MIA2: variants seen among roughly 807,000 people sequenced by gnomAD.
MIA2 encodes the protein MIA SH3 domain ER export factor 2, also known as melanoma inhibitory activity protein 2.
MIA2 carries 127 observed loss-of-function variants against 167.8 expected under a neutral mutation model. The observed-to-expected ratio is 0.76, with a 90% CI of 0.66 to 0.88. MIA2 has a LOEUF of 0.88. Among genes scored for constraint, MIA2 ranks in the 40% least tolerant of loss-of-function variants. The probability of loss-of-function intolerance (pLI) is 0.00; values close to 1 mark genes in which losing one functional copy is unlikely to be tolerated. For synonymous variants in MIA2, 552 were observed against 541.9 expected (o/e 1.02, Z -0.26); for missense variants, 1,690 against 1,624.7 (o/e 1.04, Z -0.69).
chr14:39,320,862 G>A (rs1453428127), intron 23 of MIA2, 66 bp from the exon 24 acceptor site: 1 of 1,540,226 alleles, frequency 6.5e-7, no homozygotes, highest in East Asian at 2.3e-5. Context: ...GTCGAAATGG[G>A]ATTCTAACTC....
chr14:39,308,024 A>G (rs541282869), intron 17 of MIA2, among the ~76,000 whole-genome samples: 3 of 152,234 alleles, frequency 2.0e-5, no homozygotes, highest in Non-Finnish European at 4.4e-5. Context: ...CTAATGTTCT[A>G]TAGCACTGTA....
intron 6 of MIA2, among the ~76,000 whole-genome samples, chr14:39,254,436 A>G (rs1413786497): frequency 1.3e-5 from 2 of 152,210 alleles, no homozygotes; most frequent in African/African-American, 4.8e-5. Flanking sequence ...AAGTCTATCA[A>G]TGCTGTCAAA....
intron 25 of MIA2, among the ~76,000 whole-genome samples, chr14:39,332,923 T>C (rs1360764499): frequency 1.3e-5 from 2 of 152,188 alleles, no homozygotes; most frequent in African/African-American, 4.8e-5. Context: ...TTACTGACTC[T>C]TTCCTTGTCA....
chr14:39,335,738 T>A (rs1476354711), intron 25 of MIA2, among the ~76,000 whole-genome samples: 2 of 152,204 alleles, frequency 1.3e-5, no homozygotes, highest in Non-Finnish European at 2.9e-5. Context: ...CCACAGTTTT[T>A]CAGCCCTTGC....
chr14:39,245,877 T>G (rs2054279262), intron 3 of MIA2, among the ~76,000 whole-genome samples: 1 of 152,074 alleles, frequency 6.6e-6, no homozygotes, highest in African/African-American at 2.4e-5. Context: ...GGGATTAAGT[T>G]TCCAATATAT....
At chr14:39,299,297 T>C (rs1360437537) in intron 13 of MIA2, among the ~76,000 whole-genome samples, 1 of 126,530 alleles carries the variant, frequency 7.9e-6, no homozygotes, top group African/African-American at 2.8e-5. Context: ...TCTAGATTAA[T>C]GGTATTTCTT....
intron 22 of MIA2, among the ~76,000 whole-genome samples, chr14:39,319,005 A>G (rs571807080): frequency 2.0e-4 from 30 of 152,270 alleles, no homozygotes; most frequent in African/African-American, 6.7e-4. Context: ...TAACATCACT[A>G]TCTCTAGGGC....
intron 6 of MIA2, among the ~76,000 whole-genome samples, chr14:39,269,685 A>AT (rs1242121212): frequency 1.3e-5 from 2 of 151,646 alleles, no homozygotes; most frequent in Non-Finnish European, 2.9e-5. Context: ...GGCCTGGCTA[A>AT]TTTTTTTGTA....
intron 9 of MIA2, among the ~76,000 whole-genome samples, chr14:39,284,183 T>G (rs2059318330): frequency 6.6e-6 from 1 of 152,206 alleles, no homozygotes; most frequent in Non-Finnish European, 1.5e-5. Flanking sequence ...TTTTGTAGTT[T>G]CAGGTTTTAT....
chr14:39,296,559 G>A (rs144881781), intron 13 of MIA2, among the ~76,000 whole-genome samples: 1 of 150,514 alleles, frequency 6.6e-6, no homozygotes, highest in Non-Finnish European at 1.5e-5. Flanking sequence ...AGGATTACAG[G>A]TGTGAGCCAC....
At chr14:39,269,820 C>T (rs997401757) in intron 6 of MIA2, among the ~76,000 whole-genome samples, 2 of 152,094 alleles carry the variant, frequency 1.3e-5, no homozygotes, top group Non-Finnish European at 2.9e-5. Context: ...TTCGCCTGGC[C>T]CTTCATTTCT....
intron 4 of MIA2, among the ~76,000 whole-genome samples, chr14:39,249,275 G>A (rs2054452367): frequency 6.6e-6 from 1 of 152,004 alleles, no homozygotes; most frequent in African/African-American, 2.4e-5. Flanking sequence ...TGAGTAGCTG[G>A]GACTACAAGT....
At position 39,347,747 on chromosome 14, in the gene MIA2, A is replaced by C. The variant is rs1156544936; in HGVS notation, c.3813A>C (p.Arg1271Ser). 3 of 1,612,994 alleles carry C rather than the reference A, an allele frequency of 1.9e-6. No homozygotes were observed. The highest frequency in any genetic ancestry group is 4.5e-5 in the East Asian group (2 of 44,850). The part of the protein sequence containing the change: ...GSMPSEMESS[R>S]NDTKDDLGNL... ...TGCCTTCAGAAATGGAATCCAGTAG[A>C]AATGATACCAAAGATGATCTTGGTG... The change falls in exon 27 of 29, where the codon AGA becomes AGC. Residue 1271 changes from arginine to serine, a missense_variant. Transcript: ENST00000640607.
chr14:39,272,242 C>A (rs1180169752), intron 6 of MIA2, among the ~76,000 whole-genome samples: 1 of 152,136 alleles, frequency 6.6e-6, no homozygotes, highest in Admixed American at 6.5e-5. Flanking sequence ...ATCCCAGCTA[C>A]TCAGGAGGCT....
At chr14:39,270,947 G>A (rs376754390) in intron 6 of MIA2, among the ~76,000 whole-genome samples, 18 of 152,234 alleles carry the variant, frequency 1.2e-4, no homozygotes, top group African/African-American at 4.1e-4. Context: ...CCTTTGAAGC[G>A]TAAGCGTTCT....
chr14:39,367,757 T>C (rs899132665), intron 23 of MIA2, among the ~76,000 whole-genome samples: 4 of 152,248 alleles, frequency 2.6e-5, no homozygotes, highest in Admixed American at 6.5e-5. Context: ...GAGGCAAATG[T>C]CAGATGCCTC....
At chr14:39,335,263 TA>T (rs578249700) in intron 25 of MIA2, among the ~76,000 whole-genome samples, 202 of 152,266 alleles carry the variant, frequency 1.3e-3, no homozygotes, top group African/African-American at 4.4e-3. Flanking sequence ...ATACTTATGT[TA>T]AAAAAATATG....
At chr14:39,277,696 A>T (rs1298664960) in intron 7 of MIA2, among the ~76,000 whole-genome samples, 2 of 5,978 alleles carry the variant, frequency 3.3e-4, no homozygotes, top group African/African-American at 3.2e-3. Context: ...ATGTGTGTAT[A>T]TATATATATA....
chr14:39,276,241 G>C (rs76799492), intron 6 of MIA2: 4,789 of 152,398 alleles, frequency 0.031, 268 homozygotes, highest in African/African-American at 0.11. Context: ...GCCTTAGGCT[G>C]TGTTGTGCTG....
Sources: allele counts gnomAD v4.1 joint callset (sites outside exome capture counted in the v4.1 genomes callset), GRCh38; gene constraint gnomAD v4.1.1; transcripts MANE v1.5; gene names NCBI Gene and HGNC (gene_info 2026-07-23, HGNC 2026-07-21).